Variants in DNAL4 observed in about 807,000 individuals in gnomAD.
DNAL4 encodes the protein dynein axonemal light chain 4.
A neutral mutation model predicts 12.6 loss-of-function variants in DNAL4; 10 were observed. The observed-to-expected ratio is 0.79, with a 90% CI of 0.49 to 1.34. The LOEUF (loss-of-function observed/expected upper bound fraction) is 1.34. Among genes scored for constraint, DNAL4 ranks in the 40% most tolerant of loss-of-function variants. The probability of loss-of-function intolerance (pLI) is 0.00; values close to 1 mark genes in which losing one functional copy is unlikely to be tolerated. For missense variants in DNAL4, 128 were observed against 138.1 expected (o/e 0.93, Z 0.37); for synonymous variants, 46 against 53.1 (o/e 0.87, Z 0.58).
intron 1 of DNAL4, among the ~76,000 whole-genome samples, chr22:38,789,544 G>C (rs1331596037): frequency 6.6e-6 from 1 of 152,126 alleles, no homozygotes; most frequent in African/African-American, 2.4e-5. Flanking sequence ...CCAAAGTGCT[G>C]GGATTATAAG....
intron 1 of DNAL4, among the ~76,000 whole-genome samples, chr22:38,789,342 C>T (rs1424791264): frequency 3.9e-5 from 6 of 152,078 alleles, no homozygotes; most frequent in Non-Finnish European, 5.9e-5. Context: ...CACAGCTTAC[C>T]GCAGCCTCAA....
intron 1 of DNAL4, among the ~76,000 whole-genome samples, chr22:38,790,892 G>A (rs2093049542): frequency 6.6e-6 from 1 of 152,238 alleles, no homozygotes; most frequent in African/African-American, 2.4e-5. Flanking sequence ...AGTTGGCCGG[G>A]TGCGGTGGCT....
Position 38,779,474 on chromosome 22 carries a change from G to T in DNAL4, c.293C>A (p.Ala98Asp). 1 of 1,577,956 alleles carries T rather than the reference G, an allele frequency of 6.3e-7. No individual in the cohort carries two copies. Among genetic ancestry groups the T allele is most frequent in the East Asian group, 2.3e-5 (1 of 42,976 alleles). ...LLYLYFGGTL[A>D]VCVWKCS ...TCAGGAGCACTTCCAGACGCACACA[G>T]CCAGGGTGCCCCCGAAGTACAGGTA... Residue 98 changes from alanine to aspartate, a missense_variant, in exon 4 of 4, where the codon GCT becomes GAT. Coordinates refer to ENST00000216068, the MANE Select transcript of DNAL4 (RefSeq NM_005740.3). This position sits in a 1 kb window ranked among gnomAD's most constrained non-coding sequence, Gnocchi z 4.3.
Position 38,782,531 on chromosome 22 carries a change from G to A in DNAL4, c.69+132C>T. ...AATGAATCACTGTCAACTCCAAGAT[G>A]TCTAGGTCTGAGCCAGCAGAGCCCT... On this transcript the variant is annotated intron_variant, in intron 2 of 3. Transcript: ENST00000216068. The surrounding 1 kb of genome is among the most constrained non-coding windows in gnomAD (Gnocchi z 5.1). The A allele has an allele frequency of 1.2e-6, 1 of 821,834 alleles. No individual in the cohort carries two copies. Among genetic ancestry groups the A allele is most frequent in the South Asian group, 1.6e-5 (1 of 62,870 alleles). The allele number at this position is 821,834 out of a possible 1,614,324, so 50.9% of individuals were successfully genotyped here.
rs528336004 is a variant in DNAL4, at chr22:38,784,163, G to C, written c.-139-1293C>G. Among the ~76,000 whole-genome samples, 3 of 152,310 alleles carry C rather than the reference G, an allele frequency of 2.0e-5. No individual in the cohort carries two copies. In the South Asian group the frequency reaches 6.2e-4, roughly 32 times the overall value. ...GCCGAGCACGGTAACTAACAGGCAGGTGATGACACGTGACGGCTGTCGGTT... is the reference window on the plus strand; with the variant it reads ...GCCGAGCACGGTAACTAACAGGCAGCTGATGACACGTGACGGCTGTCGGTT... On this transcript the variant is annotated intron_variant, in intron 1 of 3. Transcript: ENST00000216068.
chr22:38,790,409 T>C (rs78353577), intron 1 of DNAL4, among the ~76,000 whole-genome samples: 9,240 of 152,216 alleles, frequency 0.061, 749 homozygotes, highest in African/African-American at 0.19. Flanking sequence ...CCAAATGGAA[T>C]GAGCATGGTG....
chr22:38,785,958 C>G (rs1380656330), intron 1 of DNAL4: 1 of 152,184 alleles, frequency 6.6e-6, no homozygotes, highest in Non-Finnish European at 1.5e-5. Context: ...GCCCTGACTA[C>G]AAAGAGCTTT....
intron 1 of DNAL4, among the ~76,000 whole-genome samples, chr22:38,788,707 A>G (rs1274539618): frequency 6.6e-6 from 1 of 152,152 alleles, no homozygotes; most frequent in Non-Finnish European, 1.5e-5. Flanking sequence ...CGCCACACAC[A>G]GCAGGGCAGG....
Position 38,779,688 on chromosome 22 carries a change from A to G in DNAL4, c.154-75T>C. On this transcript the variant is annotated intron_variant, in intron 3 of 3. Transcript: ENST00000216068. This position sits in a 1 kb window ranked among gnomAD's most constrained non-coding sequence, Gnocchi z 4.3. ...GGAGTCAGGTCCTTCTCCAGGAAGG[A>G]GAAGGCTGGCACTGAGGTCTTGGCA... The G allele has an allele frequency of 6.6e-7, 1 of 1,507,272 alleles. No homozygotes were observed. The allele number at this position is 1,507,272 out of a possible 1,614,324, so 93.4% of individuals were successfully genotyped here.
chr22:38,786,759 C>T (rs961483393), intron 1 of DNAL4, among the ~76,000 whole-genome samples: 1 of 152,176 alleles, frequency 6.6e-6, no homozygotes, highest in Admixed American at 6.5e-5. Flanking sequence ...ATCCTCACCC[C>T]CTCTGATGTG....
chr22:38,784,018 G>C (rs186164974), intron 1 of DNAL4, among the ~76,000 whole-genome samples: 3 of 151,882 alleles, frequency 2.0e-5, no homozygotes, highest in Admixed American at 6.6e-5. Flanking sequence ...CAAATCACCA[G>C]GTTGTTAAGC....
intron 1 of DNAL4, among the ~76,000 whole-genome samples, chr22:38,788,872 C>T (rs192029650): frequency 1.3e-5 from 2 of 152,336 alleles, no homozygotes; most frequent in African/African-American, 4.8e-5. Context: ...CAACCGATCA[C>T]GACTTAACTG....
Position 38,782,596 on chromosome 22 carries a change from T to C in DNAL4, c.69+67A>G, listed in dbSNP as rs780255083. On this transcript the variant is annotated intron_variant, in intron 2 of 3. Coordinates refer to ENST00000216068, the MANE Select transcript of DNAL4 (RefSeq NM_005740.3). The surrounding 1 kb of genome is among the most constrained non-coding windows in gnomAD (Gnocchi z 5.1). ...CACTGCCATCCTGCAAGGGACAAGC[T>C]CCACCCACCTCTCTCCAGGCTGTGT... 1 of 1,552,564 alleles carries C rather than the reference T, an allele frequency of 6.4e-7. No individual in the cohort carries two copies. Among genetic ancestry groups the C allele is most frequent in the African/African-American group, 1.4e-5 (1 of 73,172 alleles).
chr22:38,789,979 C>T (rs1257544043), intron 1 of DNAL4, among the ~76,000 whole-genome samples: 2 of 152,154 alleles, frequency 1.3e-5, no homozygotes, highest in Non-Finnish European at 2.9e-5. Flanking sequence ...GGGAAAAAGA[C>T]TGGGGTTGGG....
intron 3 of DNAL4, 149 bp downstream of exon 3, chr22:38,780,771 ACTCACT>A: frequency 1.4e-6 from 1 of 717,286 alleles, no homozygotes; most frequent in Non-Finnish European, 2.3e-6. Flanking sequence ...CCAGCCTCTC[ACTCACT>A]GACTTTCCCC....
At chr22:38,787,677 T>C (rs1273960064) in intron 1 of DNAL4, among the ~76,000 whole-genome samples, 9 of 152,102 alleles carry the variant, frequency 5.9e-5, no homozygotes, top group Non-Finnish European at 1.2e-4. Flanking sequence ...CAAACCACTA[T>C]CTCCCAAGTT....
chr22:38,779,307 TG>T lies in DNAL4; in HGVS notation c.*141del. The T allele has an allele frequency of 9.0e-7, 1 of 1,112,838 alleles. No homozygotes were observed. The allele number at this position is 1,112,838 out of a possible 1,614,324, so 68.9% of individuals were successfully genotyped here. A position where few individuals can be genotyped will look rare whatever the true frequency, so the allele number is the denominator to read the frequency against. On this transcript the variant is annotated 3_prime_UTR_variant, in exon 4 of 4. Transcript: ENST00000216068. The surrounding 1 kb of genome is among the most constrained non-coding windows in gnomAD (Gnocchi z 4.3). ...AGATGTCAAGTTCACACACTGGGCGTGGCTCAGGAAACTGGTACACAAAGAC... is the reference window on the plus strand; with the variant it reads ...AGATGTCAAGTTCACACACTGGGCGTGCTCAGGAAACTGGTACACAAAGAC...
chr22:38,783,764 C>A (rs976023077), intron 1 of DNAL4, among the ~76,000 whole-genome samples: 1 of 152,174 alleles, frequency 6.6e-6, no homozygotes, highest in Non-Finnish European at 1.5e-5. Flanking sequence ...TCTCATGCGG[C>A]CGTTATGAGA....
At chr22:38,781,115 C>T (rs2093033690) in intron 2 of DNAL4, 106 bp from the exon 3 acceptor site, 3 of 1,260,250 alleles carry the variant, frequency 2.4e-6, no homozygotes, top group East Asian at 4.8e-5. Context: ...AGCAGGTAGC[C>T]TCCCTGGCCC....
Sources: gnomAD v4.1 joint callset for allele counts (sites outside exome capture counted in the v4.1 genomes callset) on GRCh38, gnomAD v4.1.1 for gene constraint, Gnocchi (gnomAD v3.1) non-coding constraint, MANE v1.5 for transcripts, NCBI Gene and HGNC (gene_info 2026-07-23, HGNC 2026-07-21) for gene names.